The following DNAJC14 variants were observed in gnomAD, a reference collection of about 807,000 sequenced individuals.
DNAJC14 encodes the protein dnaJ homolog subfamily C member 14.
DNAJC14 carries 12 observed loss-of-function variants against 68.8 expected under a neutral mutation model. The observed-to-expected ratio is 0.17, with a 90% CI of 0.11 to 0.28. DNAJC14 has a LOEUF of 0.28. Ranked by LOEUF, DNAJC14 falls within the 10% of genes least tolerant of loss-of-function variation. The pLI is 1.00. For synonymous variants in DNAJC14, 350 were observed against 321.5 expected, an observed-to-expected ratio of 1.09 and a Z score of -0.95; for missense variants, 764 against 875.6, an observed-to-expected ratio of 0.87 and a Z score of 1.61.
At position 55,828,178 on chromosome 12, in the gene DNAJC14, C is replaced by A; in HGVS notation, c.481G>T (p.Ala161Ser). ...TCTTCCAACTCATCTTCCCCCAAAG[C>A]TGGAGAGGTACAGTGGTGGCAAAAG... is the stretch of plus-strand genomic sequence containing the variant. ...SNFCHHCTSP[A>S]LGEDELEEEY... Residue 161 changes from alanine to serine, a missense_variant, in exon 2 of 7, where the codon GCT (alanine) becomes TCT (serine). Around this residue, in one of 4 missense-constraint regions of DNAJC14, gnomAD observed 514 missense variants for 521.7 expected, o/e 0.99. Coordinates refer to ENST00000678005, the MANE Select transcript of DNAJC14 (RefSeq NM_032364.6). 1 of 1,612,968 alleles carries A rather than the reference C, an allele frequency of 6.2e-7. No homozygotes were observed. The highest frequency in any genetic ancestry group is 8.5e-7 in the Non-Finnish European group (1 of 1,179,496).
chr12:55,829,012 GA>G, intron 1 of DNAJC14: 1 of 813,160 alleles, frequency 1.2e-6, no homozygotes, highest in Non-Finnish European at 1.5e-6. Context: ...TCACTCTTAG[GA>G]AAATGGGAAA....
Position 55,821,911 on chromosome 12 carries a change from C to G in DNAJC14, c.*66G>C. 6.8e-7 allele frequency: 1 copy of G among 1,481,334 alleles called. No individual in the cohort carries two copies. Among genetic ancestry groups the G allele is most frequent in the East Asian group, 2.3e-5 (1 of 43,324 alleles). The allele number at this position is 1,481,334 out of a possible 1,614,324, so 91.8% of individuals were successfully genotyped here. Reference sequence around the variant, plus strand: ...AGGTGTTGGGGGAGGAGGGATAAATCAAACTCCATCCTGTGCTACAGCCCT... The same window carrying G: ...AGGTGTTGGGGGAGGAGGGATAAATGAAACTCCATCCTGTGCTACAGCCCT... On this transcript the variant is annotated 3_prime_UTR_variant, in exon 7 of 7. Coordinates refer to ENST00000678005, the MANE Select transcript of DNAJC14 (RefSeq NM_032364.6).
chr12:55,822,287 C>G, intron 6 of DNAJC14, 86 bp downstream of exon 6: 1 of 1,545,310 alleles, frequency 6.5e-7, no homozygotes. Context: ...GAAAACAAGG[C>G]CCCTGGGTGT....
chr12:55,830,459 C>G (rs1592596967), upstream of DNAJC14: 1 of 152,270 alleles, frequency 6.6e-6, no homozygotes, highest in Non-Finnish European at 1.5e-5. Context: ...GTTTTTCCAC[C>G]CATGAACCCC....
Position 55,827,912 on chromosome 12 carries a change from C to T in DNAJC14, c.747G>A (p.Gln249=). 1 of 1,607,140 alleles carries T rather than the reference C, an allele frequency of 6.2e-7. No homozygotes were observed. Among genetic ancestry groups the T allele is most frequent in the Non-Finnish European group, 8.5e-7 (1 of 1,175,034 alleles). ...GTTCAATCAGCCACCAAAAGCCTGC[C>T]TGTCCAAGTTGACATAGTTCCTCGG... ...WGAEELCQLG[Q]AGFWWLIELL... is the part of the protein sequence containing the mutation. The change falls in exon 2 of 7, where the codon CAG becomes CAA. Residue 249 remains glutamine (Q), a synonymous_variant. Coordinates refer to ENST00000678005, the MANE Select transcript of DNAJC14 (RefSeq NM_032364.6).
intron 2 of DNAJC14, among the ~76,000 whole-genome samples, chr12:55,826,692 C>T (rs1880803979): frequency 1.3e-5 from 2 of 151,758 alleles, no homozygotes; most frequent in Admixed American, 6.6e-5. Flanking sequence ...CCCAGCTACT[C>T]GGGAGGCTGA....
At chr12:55,822,940 A>G (rs1880707690) in intron 4 of DNAJC14, 130 bp downstream of exon 4, 4 of 1,486,458 alleles carry the variant, frequency 2.7e-6, no homozygotes, top group Non-Finnish European at 2.7e-6. Context: ...ACAAAGGTAG[A>G]AACTTAAGGG....
chr12:55,827,386 C>T lies in DNAJC14; in HGVS notation c.1273G>A (p.Glu425Lys). The change falls in exon 2 of 7, where the codon GAA becomes AAA. Residue 425 changes from glutamate to lysine, a missense_variant. Physicochemically the swap from Glu to Lys is moderately conservative, Grantham distance 56. Around this residue, in one of 4 missense-constraint regions of DNAJC14, gnomAD observed 514 missense variants for 521.7 expected, o/e 0.99. Transcript: ENST00000678005. ...GTCAAGAGTCGAGCCACTTCCTCTT[C>T]AGGCTGGCAGTAGCGCCCACTAGCT... Reference protein sequence around the residue: ...PVASGRYCQPEEEVARLLTMA... With the variant: ...PVASGRYCQPKEEVARLLTMA... 1 of 1,613,812 alleles carries T rather than the reference C, an allele frequency of 6.2e-7. No individual in the cohort carries two copies. Among genetic ancestry groups the T allele is most frequent in the Non-Finnish European group, 8.5e-7 (1 of 1,179,896 alleles).
At chr12:55,822,803 C>A in intron 4 of DNAJC14, 71 bp from the exon 5 acceptor site, 2 of 1,561,562 alleles carry the variant, frequency 1.3e-6, no homozygotes, top group Non-Finnish European at 1.7e-6. Flanking sequence ...GTAGTCTTAC[C>A]ATTATTCACA....
Position 55,822,419 on chromosome 12 carries a change from G to A in DNAJC14, c.1852C>T (p.His618Tyr). 6.2e-7 allele frequency: 1 copy of A among 1,613,656 alleles called. No homozygotes were observed. The highest frequency in any genetic ancestry group is 8.5e-7 in the Non-Finnish European group (1 of 1,180,044). Residue 618 changes from histidine to tyrosine, a missense_variant, in exon 6 of 7, where the codon CAC becomes TAC. His to Tyr is a moderately conservative substitution (Grantham distance 83, BLOSUM62 2). Around this residue, in one of 4 missense-constraint regions of DNAJC14, gnomAD observed 134 missense variants for 162.3 expected, o/e 0.83. Transcript: ENST00000678005. ...GGAATCCGAGAACCAAATGAGATGT[G>A]ATAGGGGACTCTGTGGGTATCTGGG... Reference protein sequence around the residue: ...ISPDTHRVPYHISFGSRIPGT... With the variant: ...ISPDTHRVPYYISFGSRIPGT...
chr12:55,822,619 T>C lies in DNAJC14; in HGVS notation c.1748A>G (p.Lys583Arg), dbSNP rs745615260. 1.9e-6 allele frequency: 3 copies of C among 1,614,238 alleles called. No homozygotes were observed. The highest frequency in any genetic ancestry group is 8.5e-7 in the Non-Finnish European group (1 of 1,180,044). ...FWAESSMLGL[K>R]ITYFALMDGK... ...ATCCATCAGTGCAAAGTAGGTGATC[T>C]TGAGGCCCAACATGCTTGACTCTGC... The change falls in exon 5 of 7, where the codon AAG becomes AGG. Residue 583 changes from lysine (K) to arginine (R), a missense_variant. Lys to Arg is a conservative substitution (Grantham distance 26, BLOSUM62 2). Transcript: ENST00000678005.
At chr12:55,830,542 C>G (rs977146437), upstream of DNAJC14, 12 of 152,182 alleles carry the variant, frequency 7.9e-5, no homozygotes, top group Non-Finnish European at 1.6e-4. Flanking sequence ...CTCCAGGAGA[C>G]AATACTCCAA....
chr12:55,822,258 T>G, intron 6 of DNAJC14, 71 bp from the exon 7 acceptor site: 2 of 1,529,138 alleles, frequency 1.3e-6, no homozygotes, highest in Non-Finnish European at 8.8e-7. Flanking sequence ...GATATACTTA[T>G]CAGTTCCCAA....
At chr12:55,823,581 A>C in intron 2 of DNAJC14, 73 bp from the exon 3 acceptor site, 1 of 1,337,814 alleles carries the variant, frequency 7.5e-7, no homozygotes, top group Non-Finnish European at 1.1e-6. Context: ...TCTCATATCA[A>C]AGGGTTCTCT....
At chr12:55,829,074 G>T (rs1330956187) in intron 1 of DNAJC14, 2 of 991,808 alleles carry the variant, frequency 2.0e-6, no homozygotes, top group East Asian at 1.1e-4. Context: ...GGGGCCATGC[G>T]GCCCTGGAGG....
In DNAJC14 at chr12:55,828,845, T is replaced by G. The variant is rs997153331; in HGVS notation, c.-56-131A>C. ...CAAGTTCTTTTGGGGCATTCGCTATTCCTAGCAATAAGCCAAAACTAGACT... is the reference window on the plus strand; with the variant it reads ...CAAGTTCTTTTGGGGCATTCGCTATGCCTAGCAATAAGCCAAAACTAGACT... On this transcript the variant is annotated intron_variant, in intron 1 of 6. Transcript: ENST00000678005. 6.6e-6 allele frequency: 8 copies of G among 1,220,514 alleles called. No individual in the cohort carries two copies. In the Admixed American group the frequency reaches 9.2e-5, roughly 14 times the overall value. The allele number at this position is 1,220,514 out of a possible 1,614,324, so 75.6% of individuals were successfully genotyped here.
chr12:55,825,130 C>CAG (rs1880760194), intron 2 of DNAJC14, among the ~76,000 whole-genome samples: 1 of 65,498 alleles, frequency 1.5e-5, no homozygotes, highest in African/African-American at 6.1e-5. Context: ...GACCCTGTCT[C>CAG]AAAAAAAAAA....
In DNAJC14 at chr12:55,828,313, G is replaced by C. The variant is rs1291581495; in HGVS notation, c.346C>G (p.Gln116Glu). ...GAAAGAAAAGAGTTCCCATCCTTCT[G>C]GTTCCCAGTCTCGTTTTCTTTTGAG... ...ELSKENETGN[Q>E]KDGNSFLSIP... Residue 116 changes from glutamine to glutamate, a missense_variant, in exon 2 of 7, where the codon CAG becomes GAG. By Grantham distance (29) the Gln-to-Glu change is conservative (BLOSUM62 2). This residue lies in a region of DNAJC14 where 514 missense variants were observed against 521.7 expected (regional missense o/e 0.99). Coordinates refer to ENST00000678005, the MANE Select transcript of DNAJC14 (RefSeq NM_032364.6). 3.1e-6 allele frequency: 5 copies of C among 1,612,524 alleles called. No individual in the cohort carries two copies. Among genetic ancestry groups the C allele is most frequent in the Non-Finnish European group, 4.2e-6 (5 of 1,179,596 alleles).
chr12:55,828,247 G>C lies in DNAJC14; in HGVS notation c.412C>G (p.Pro138Ala). The C allele has an allele frequency of 1.9e-6, 3 of 1,606,818 alleles. No homozygotes were observed. Among genetic ancestry groups the C allele is most frequent in the Non-Finnish European group, 8.5e-7 (1 of 1,176,594 alleles). Reference sequence around the variant, plus strand: ...CCTCCCTCAGAGTAAGGCCCTTCTGGAATTCCAGGTGTTCCCTGGCAGTTG... The same window carrying C: ...CCTCCCTCAGAGTAAGGCCCTTCTGCAATTCCAGGTGTTCCCTGGCAGTTG... The part of the protein sequence containing the change: ...ACNCQGTPGI[P>A]EGPYSEGGNG... The change falls in exon 2 of 7, where the codon CCA becomes GCA. Residue 138 changes from proline (P) to alanine (A), a missense_variant. Pro to Ala is a conservative substitution (Grantham distance 27). Transcript: ENST00000678005.
Sources: gnomAD v4.1 joint callset for allele counts (sites outside exome capture counted in the v4.1 genomes callset) on GRCh38, gnomAD v4.1.1 for gene constraint, gnomAD v4.1.1 regional missense constraint, MANE v1.5 for transcripts, NCBI Gene and HGNC (gene_info 2026-07-23, HGNC 2026-07-21) for gene names.